FBXO4: variants seen among roughly 807,000 people sequenced by gnomAD.
The protein encoded by FBXO4 is F-box protein 4.
FBXO4 carries 36 observed loss-of-function variants against 43.7 expected under a neutral mutation model. That is an observed-to-expected ratio of 0.82 (90% confidence interval 0.63 to 1.09). The LOEUF is 1.09. Among genes scored for constraint, FBXO4 ranks in the 50% least tolerant of loss-of-function variants. The probability of loss-of-function intolerance (pLI) is 0.00; values close to 1 mark genes in which losing one functional copy is unlikely to be tolerated. For missense variants in FBXO4, 435 were observed against 474.1 expected (o/e 0.92, Z 0.77); for synonymous variants, 180 against 165.6 (o/e 1.09, Z -0.67).
chr5:42,006,935 C>A, the FBXO4 span, among the ~76,000 whole-genome samples: 1 of 99,500 alleles, frequency 1.0e-5, no homozygotes, highest in African/African-American at 4.5e-5. Context: ...CACACACATA[C>A]ATACATATAT....
At chr5:41,939,691 T>C in intron 6 of FBXO4, 75 bp downstream of exon 6, 1 of 1,240,912 alleles carries the variant, frequency 8.1e-7, no homozygotes, top group Middle Eastern at 2.8e-4. Flanking sequence ...TTTTTTAAAT[T>C]CATCTTCTTT....
At chr5:42,032,061 G>C in the FBXO4 span, among the ~76,000 whole-genome samples, 1 of 111,678 alleles carries the variant, frequency 9.0e-6, no homozygotes, top group African/African-American at 4.3e-5. Flanking sequence ...TTTTTTCTGT[G>C]TGTGTGTGTG....
chr5:41,988,526 C>A, the FBXO4 span, among the ~76,000 whole-genome samples: 1 of 152,132 alleles, frequency 6.6e-6, no homozygotes, highest in Non-Finnish European at 1.5e-5. Context: ...GACTGGGCCC[C>A]CTGGATGTTT....
the FBXO4 span, among the ~76,000 whole-genome samples, chr5:41,999,536 C>CGTAT: frequency 3.0e-3 from 237 of 79,828 alleles, 5 homozygotes; most frequent in African/African-American, 0.016. Flanking sequence ...TATATATATA[C>CGTAT]ATATATATGT....
chr5:41,947,586 G>A, the FBXO4 span, among the ~76,000 whole-genome samples: 6 of 152,142 alleles, frequency 3.9e-5, no homozygotes, highest in African/African-American at 1.4e-4. Flanking sequence ...GAAAGACTGG[G>A]GAGTAGTGGG....
chr5:41,975,971 G>GA, the FBXO4 span, among the ~76,000 whole-genome samples: 3 of 152,094 alleles, frequency 2.0e-5, no homozygotes, highest in Non-Finnish European at 2.9e-5. Context: ...AGGAGACAAA[G>GA]ACACAGCATG....
chr5:41,991,085 G>A, the FBXO4 span, among the ~76,000 whole-genome samples: 5 of 152,126 alleles, frequency 3.3e-5, no homozygotes, highest in African/African-American at 1.2e-4. Flanking sequence ...CAACATTCAC[G>A]TTAACGTCCC....
At chr5:41,973,007 C>T in the FBXO4 span, among the ~76,000 whole-genome samples, 1 of 152,124 alleles carries the variant, frequency 6.6e-6, no homozygotes, top group Non-Finnish European at 1.5e-5. Flanking sequence ...TGGTCATATG[C>T]CTTGGCAAAG....
chr5:41,968,315 C>G, the FBXO4 span: 2 of 156,556 alleles, frequency 1.3e-5, no homozygotes, highest in East Asian at 3.8e-4. Flanking sequence ...CAGCTCTGAG[C>G]GGGCTGGATC....
the FBXO4 span, among the ~76,000 whole-genome samples, chr5:42,024,867 C>T: frequency 6.6e-6 from 1 of 151,860 alleles, no homozygotes; most frequent in Non-Finnish European, 1.5e-5. Context: ...CATATTGTTG[C>T]AAATGACAGG....
the FBXO4 span, among the ~76,000 whole-genome samples, chr5:41,954,546 T>A: frequency 6.6e-6 from 1 of 152,288 alleles, no homozygotes; most frequent in East Asian, 1.9e-4. Context: ...AGCTGGCCAA[T>A]CCCTCCATTC....
the FBXO4 span, among the ~76,000 whole-genome samples, chr5:41,976,701 G>T: frequency 1.3e-5 from 2 of 152,226 alleles, no homozygotes; most frequent in Non-Finnish European, 2.9e-5. Flanking sequence ...TGAATTGGAG[G>T]TGTGTACCTG....
intron 6 of FBXO4, 76 bp downstream of exon 6, chr5:41,939,692 C>G: frequency 8.1e-7 from 1 of 1,235,118 alleles, no homozygotes; most frequent in South Asian, 1.7e-5. Flanking sequence ...TTTTTAAATT[C>G]ATCTTCTTTA....
At chr5:41,967,203 T>C in the FBXO4 span, 1 of 494,772 alleles carries the variant, frequency 2.0e-6, no homozygotes, top group South Asian at 1.6e-5. Flanking sequence ...TCAGCACTTT[T>C]TTTTTGTGGC....
the FBXO4 span, among the ~76,000 whole-genome samples, chr5:41,979,365 A>G: frequency 6.6e-6 from 1 of 152,200 alleles, no homozygotes; most frequent in Non-Finnish European, 1.5e-5. Flanking sequence ...ATTTCTACCC[A>G]GTGTTAATTA....
intron 1 of FBXO4, 100 bp downstream of exon 1, chr5:41,925,598 G>C (rs1751461907): frequency 1.1e-6 from 1 of 926,968 alleles, no homozygotes. Context: ...TCGCGCCCCG[G>C]CCTGGGTCTG....
At chr5:42,013,592 C>A in the FBXO4 span, among the ~76,000 whole-genome samples, 7 of 152,198 alleles carry the variant, frequency 4.6e-5, no homozygotes. Context: ...GCATCCCTTT[C>A]TCCCTCTCCA....
intron 5 of FBXO4, among the ~76,000 whole-genome samples, chr5:41,937,263 C>G (rs978681942): frequency 6.6e-6 from 1 of 152,126 alleles, no homozygotes; most frequent in African/African-American, 2.4e-5. Flanking sequence ...AAGAGAACAT[C>G]TTTAACGCAG....
the FBXO4 span, among the ~76,000 whole-genome samples, chr5:42,019,459 C>T: frequency 3.3e-5 from 5 of 152,046 alleles, no homozygotes; most frequent in Admixed American, 6.6e-5. Flanking sequence ...GAGTCCGAGG[C>T]GGGTGGATCA....
Sources: gnomAD v4.1 joint callset for allele counts (sites outside exome capture counted in the v4.1 genomes callset) on GRCh38, gnomAD v4.1.1 for gene constraint, MANE v1.5 for transcripts, NCBI Gene and HGNC (gene_info 2026-07-23, HGNC 2026-07-21) for gene names.